Variants in KCNK9 observed in about 807,000 individuals in gnomAD.
KCNK9 encodes the protein potassium two pore domain channel subfamily K member 9.
Under a neutral mutation model 10.8 loss-of-function variants are expected in KCNK9, and 1 was observed. That is an observed-to-expected ratio of 0.09 (90% CI 0.03 to 0.44). KCNK9 has a LOEUF of 0.44. Ranked by LOEUF, KCNK9 falls within the 20% of genes least tolerant of loss-of-function variation. The probability of loss-of-function intolerance (pLI) is 0.97; values close to 1 mark genes in which losing one functional copy is unlikely to be tolerated. For synonymous variants in KCNK9, 231 were observed against 222.7 expected (o/e 1.04, Z -0.33); for missense variants, 303 against 515.0 (o/e 0.59, Z 3.98).
intron 1 of KCNK9, among the ~76,000 whole-genome samples, chr8:139,652,773 C>T (rs1815907717): frequency 2.0e-5 from 3 of 152,220 alleles, no homozygotes; most frequent in Admixed American, 2.0e-4. Context: ...CTGTCAGCTA[C>T]TGGCTGCGGG....
intron 1 of KCNK9, among the ~76,000 whole-genome samples, chr8:139,636,065 G>A (rs544932507): frequency 6.6e-6 from 1 of 152,304 alleles, no homozygotes; most frequent in Admixed American, 6.5e-5. Context: ...CTGGAATTCT[G>A]TTCATTCCAT....
chr8:139,602,172 T>G (rs1008862855), intron 2 of KCNK9: 1 of 152,248 alleles, frequency 6.6e-6, no homozygotes, highest in African/African-American at 2.4e-5. Flanking sequence ...ACTAATCACA[T>G]GACCGCACCC....
intron 1 of KCNK9, among the ~76,000 whole-genome samples, chr8:139,637,851 C>A (rs1815386878): frequency 6.6e-6 from 1 of 150,946 alleles, no homozygotes; most frequent in African/African-American, 2.4e-5. Context: ...CTGAACCCAG[C>A]AGCAGACCTC....
downstream of KCNK9, chr8:139,616,760 G>A (rs765447039): frequency 2.0e-5 from 3 of 152,234 alleles, no homozygotes; most frequent in Non-Finnish European, 4.4e-5. Flanking sequence ...AGAGGAATGG[G>A]AGGATGGATG....
intron 1 of KCNK9, among the ~76,000 whole-genome samples, chr8:139,620,930 T>C (rs1376674486): frequency 1.3e-5 from 2 of 151,972 alleles, no homozygotes; most frequent in African/African-American, 2.4e-5. Context: ...TAGGGCAATA[T>C]CAAAAGGTGT....
At chr8:139,662,767 T>C (rs1269682694) in intron 1 of KCNK9, among the ~76,000 whole-genome samples, 1 of 150,450 alleles carries the variant, frequency 6.6e-6, no homozygotes, top group Non-Finnish European at 1.5e-5. Context: ...CCAGAGGATT[T>C]AGCAGAGAAT....
intron 1 of KCNK9, among the ~76,000 whole-genome samples, chr8:139,663,563 T>C (rs117167902): frequency 0.029 from 4,437 of 151,988 alleles, 82 homozygotes; most frequent in Middle Eastern, 0.051. Context: ...CCAGCTACTC[T>C]GAAGCCACTC....
At chr8:139,613,158 C>A (rs1586627092), downstream of KCNK9, among the ~76,000 whole-genome samples, 3 of 152,156 alleles carry the variant, frequency 2.0e-5, no homozygotes, top group East Asian at 3.9e-4. Flanking sequence ...TTGGCTGAAC[C>A]ACTGAAAAGT....
chr8:139,662,232 GC>G (rs560146875), intron 1 of KCNK9, among the ~76,000 whole-genome samples: 19 of 152,276 alleles, frequency 1.2e-4, no homozygotes, highest in African/African-American at 4.1e-4. Context: ...GCAGGAGCAG[GC>G]TATGGGGTGA....
rs1199498151 is a variant in KCNK9, at chr8:139,700,494, ACACACACACACACACGCGCGCGCGCG to A, written c.283+2190_283+2215del. ...TTTATTCACATACACATACACACAC[ACACACACACACACACGCGCGCGCGCG>A]CACACACACACACACACACGCGCGC... On this transcript the variant is annotated intron_variant, in intron 1 of 1. Coordinates refer to ENST00000520439, the MANE Select transcript of KCNK9 (RefSeq NM_001282534.2). 8.0e-3 allele frequency among the ~76,000 whole-genome samples: 1,119 copies of A among 139,076 alleles called. 13 individuals carry two copies. Among genetic ancestry groups the A allele is most frequent in the African/African-American group, 0.031 (1,064 of 34,050 alleles). The allele number at this position is 139,076 out of a possible 152,430, so 91.2% of individuals were successfully genotyped here. A position where few individuals can be genotyped will look rare whatever the true frequency, so the allele number is the denominator to read the frequency against.
At chr8:139,686,636 G>C (rs1050572908) in intron 1 of KCNK9, among the ~76,000 whole-genome samples, 1 of 152,202 alleles carries the variant, frequency 6.6e-6, no homozygotes, top group African/African-American at 2.4e-5. Flanking sequence ...CCAAGGCACA[G>C]AGAAGCTGAA....
chr8:139,672,488 T>C lies in KCNK9; in HGVS notation c.283+30222A>G, dbSNP rs73725105. Among the ~76,000 whole-genome samples the C allele has an allele frequency of 6.1e-3, 924 of 152,272 alleles. 9 individuals are homozygous for C. Among genetic ancestry groups the C allele is most frequent in the African/African-American group, 0.021 (852 of 41,538 alleles). On this transcript the variant is annotated intron_variant, in intron 1 of 1. Transcript: ENST00000520439. The stretch of plus-strand genomic sequence containing the variant: ...GTCAAAATCCATTCACTTGGGCAAA[T>C]GTAGAAAAACCAACAGCCAACACCA...
At chr8:139,620,920 T>C (rs934211875) in intron 1 of KCNK9, among the ~76,000 whole-genome samples, 1 of 152,150 alleles carries the variant, frequency 6.6e-6, no homozygotes, top group African/African-American at 2.4e-5. Flanking sequence ...GGGGGAGCTG[T>C]AGGGCAATAT....
At chr8:139,607,470 A>G (rs983232322) in intron 2 of KCNK9, among the ~76,000 whole-genome samples, 4 of 152,204 alleles carry the variant, frequency 2.6e-5, no homozygotes, top group African/African-American at 7.2e-5. Context: ...CCACTGTTGC[A>G]GCCCCTCATG....
chr8:139,657,244 T>G (rs1816045410), intron 1 of KCNK9, among the ~76,000 whole-genome samples: 1 of 152,162 alleles, frequency 6.6e-6, no homozygotes, highest in Non-Finnish European at 1.5e-5. Flanking sequence ...TGCCCTTGGG[T>G]GGGTTGCTGA....
chr8:139,604,730 A>T (rs1817449187), intron 2 of KCNK9, among the ~76,000 whole-genome samples: 1 of 152,206 alleles, frequency 6.6e-6, no homozygotes, highest in Admixed American at 6.5e-5. Flanking sequence ...AATTCTTACC[A>T]GGGCTCACGC....
intron 1 of KCNK9, among the ~76,000 whole-genome samples, chr8:139,700,032 G>A (rs746525032): frequency 3.9e-5 from 6 of 152,110 alleles, no homozygotes; most frequent in Non-Finnish European, 7.4e-5. Flanking sequence ...GCTTGGGGCC[G>A]GGTTTTGTTC....
chr8:139,619,179 T>C lies in KCNK9; in HGVS notation c.284-80A>G, dbSNP rs928763001. 9 of 1,491,478 alleles carry C rather than the reference T, an allele frequency of 6.0e-6. No homozygotes were observed. The Middle Eastern group carries it at 5.3e-4, about 88-fold the overall frequency. 92.4% of individuals were successfully genotyped at this position (1,491,478 alleles called of 1,614,324 possible). A position where few individuals can be genotyped will look rare whatever the true frequency, so the allele number is the denominator to read the frequency against. ...TTGGGGGAAGGGAGGGTCGACTTGGTGCAGTGCAGTGCAATGCAGAGGGAC... is the reference window on the plus strand; with the variant it reads ...TTGGGGGAAGGGAGGGTCGACTTGGCGCAGTGCAGTGCAATGCAGAGGGAC... On this transcript the variant is annotated intron_variant, in intron 1 of 1. Transcript: ENST00000520439.
At chr8:139,608,628 G>A (rs1038642601), downstream of KCNK9, among the ~76,000 whole-genome samples, 1 of 151,550 alleles carries the variant, frequency 6.6e-6, no homozygotes. Flanking sequence ...TTGCGGGGGG[G>A]CGGGGCGGGG....
Sources: gnomAD v4.1 joint callset for allele counts (sites outside exome capture counted in the v4.1 genomes callset) on GRCh38, gnomAD v4.1.1 for gene constraint, MANE v1.5 for transcripts, NCBI Gene and HGNC (gene_info 2026-07-23, HGNC 2026-07-21) for gene names.